Variants in RPH3AL observed in about 807,000 individuals in gnomAD.
The protein encoded by RPH3AL is rabphilin 3A like (without C2 domains).
RPH3AL carries 38 observed loss-of-function variants against 43.1 expected under a neutral mutation model. That is an observed-to-expected ratio of 0.88 (90% CI 0.68 to 1.15). The LOEUF is 1.15. Ranked by LOEUF, RPH3AL falls within the 50% of genes most tolerant of loss-of-function variation. The pLI is 0.00. For missense variants in RPH3AL, 462 were observed against 423.2 expected (o/e 1.09, Z -0.81); for synonymous variants, 189 against 176.3 (o/e 1.07, Z -0.57).
At chr17:348,460 T>C (rs751231994) in intron 1 of RPH3AL, among the ~76,000 whole-genome samples, 1 of 151,774 alleles carries the variant, frequency 6.6e-6, no homozygotes, top group East Asian at 1.9e-4. Flanking sequence ...TCATGGGAAA[T>C]TGAAAGAGGT....
At chr17:318,049 C>T (rs555865690) in intron 5 of RPH3AL, among the ~76,000 whole-genome samples, 1 of 152,112 alleles carries the variant, frequency 6.6e-6, no homozygotes, top group Non-Finnish European at 1.5e-5. Flanking sequence ...CAAGAAAATT[C>T]CTTCTCTGTC....
At chr17:319,337 G>C in intron 5 of RPH3AL, 83 bp downstream of exon 5, 3 of 1,514,480 alleles carry the variant, frequency 2.0e-6, no homozygotes, top group Non-Finnish European at 1.8e-6. Context: ...ACACACTCCT[G>C]GGAGCCAGGA....
chr17:226,280 GC>G (rs1163663048), intron 7 of RPH3AL, among the ~76,000 whole-genome samples: 1 of 152,052 alleles, frequency 6.6e-6, no homozygotes, highest in Non-Finnish European at 1.5e-5. Flanking sequence ...AGGTGACACA[GC>G]AGGCGCCAGG....
intron 5 of RPH3AL, among the ~76,000 whole-genome samples, chr17:297,664 A>C (rs1427199443): frequency 6.6e-6 from 1 of 152,140 alleles, no homozygotes; most frequent in South Asian, 2.1e-4. Flanking sequence ...GTTTTCCTCT[A>C]TTTTCAGAGC....
chr17:269,832 G>C (rs2042420095), intron 6 of RPH3AL, among the ~76,000 whole-genome samples: 1 of 152,232 alleles, frequency 6.6e-6, no homozygotes, highest in African/African-American at 2.4e-5. Flanking sequence ...CAGTGCCTCA[G>C]AGGCAAACTT....
chr17:316,688 G>GA (rs1555521052), intron 5 of RPH3AL, among the ~76,000 whole-genome samples: 6 of 5,842 alleles, frequency 1.0e-3, no homozygotes, highest in South Asian at 6.7e-3. Context: ...CAGTCCCTGT[G>GA]CCCCACCTCC....
rs551143141 is a variant in RPH3AL at position 323,148 on chromosome 17, T to A, written c.78-1733A>T. On this transcript the variant is annotated intron_variant, in intron 3 of 9. Transcript: ENST00000331302. The surrounding 1 kb of genome is among the most constrained non-coding windows in gnomAD (Gnocchi z 4.4). ...TGCAGGATGAACAGGTGCTTCCCCA[T>A]GGAAGGAGGGAGGCGGGTTCAGGCA... Among the ~76,000 whole-genome samples, 2 of 151,726 alleles carry A rather than the reference T, an allele frequency of 1.3e-5. No homozygotes were observed. Among genetic ancestry groups the A allele is most frequent in the African/African-American group, 2.4e-5 (1 of 41,316 alleles).
chr17:302,511 A>T (rs532022638), intron 5 of RPH3AL, among the ~76,000 whole-genome samples: 39 of 152,290 alleles, frequency 2.6e-4, no homozygotes, highest in African/African-American at 8.7e-4. Flanking sequence ...GGAGAGAGGA[A>T]GCCATCGGAG....
At chr17:338,172 G>T (rs566172797) in intron 1 of RPH3AL, among the ~76,000 whole-genome samples, 2 of 152,240 alleles carry the variant, frequency 1.3e-5, no homozygotes, top group African/African-American at 4.8e-5. Flanking sequence ...GTGACAGCAG[G>T]GAAACCAGGC....
rs146153973 is a variant in RPH3AL at position 321,498 on chromosome 17, C to T, written c.78-83G>A. The T allele has an allele frequency of 1.7e-3, 2,409 of 1,415,646 alleles. 13 individuals are homozygous for T. Among genetic ancestry groups the T allele is most frequent in the South Asian group, 6.7e-3 (440 of 65,554 alleles). 87.7% of individuals were successfully genotyped at this position (1,415,646 alleles called of 1,614,324 possible). On this transcript the variant is annotated intron_variant, in intron 3 of 9. Transcript: ENST00000331302. ...CCCTACCACATCCACCAAGCCCCCC[C>T]GAGAACAGTCAGTGGACGGCCCAGG...
rs762940278 is a variant in RPH3AL at position 274,616 on chromosome 17, G to A, written c.438+7152C>T. Among the ~76,000 whole-genome samples the A allele has an allele frequency of 4.3e-4, 66 of 152,230 alleles. No individual in the cohort carries two copies. The highest frequency in any genetic ancestry group is 7.1e-4 in the Non-Finnish European group (48 of 68,020). On this transcript the variant is annotated intron_variant, in intron 6 of 9. Transcript: ENST00000331302. The surrounding 1 kb of genome is among the most constrained non-coding windows in gnomAD (Gnocchi z 4.7). Reference sequence around the variant, plus strand: ...CATAAGCCAGGGGCTGCGGTCCCTCGTCCTCCCTGGTTCCGACGGGCCAGG... The same window carrying A: ...CATAAGCCAGGGGCTGCGGTCCCTCATCCTCCCTGGTTCCGACGGGCCAGG...
intron 5 of RPH3AL, among the ~76,000 whole-genome samples, chr17:316,289 C>T (rs1319969019): frequency 2.1e-5 from 3 of 141,314 alleles, no homozygotes; most frequent in Non-Finnish European, 3.1e-5. Flanking sequence ...GATGCGTAGT[C>T]TCTGTGCTCC....
intron 5 of RPH3AL, among the ~76,000 whole-genome samples, chr17:301,129 G>C (rs2043318441): frequency 1.3e-5 from 2 of 152,386 alleles, no homozygotes; most frequent in South Asian, 4.1e-4. Flanking sequence ...TCTCACTCTG[G>C]ATGCTCCGCC....
chr17:284,165 G>A (rs2042849643), intron 5 of RPH3AL, among the ~76,000 whole-genome samples: 1 of 152,276 alleles, frequency 6.6e-6, no homozygotes, highest in South Asian at 2.1e-4. Context: ...GCGGGAACAG[G>A]AGGGAATCAA....
At chr17:296,951 T>TG (rs1460171704) in intron 5 of RPH3AL, among the ~76,000 whole-genome samples, 2 of 152,074 alleles carry the variant, frequency 1.3e-5, no homozygotes, top group East Asian at 3.9e-4. Flanking sequence ...CTGGGTCTCG[T>TG]GGGGCATTGT....
chr17:321,547 G>T, intron 3 of RPH3AL, 132 bp from the exon 4 acceptor site: 1 of 1,068,822 alleles, frequency 9.4e-7, no homozygotes, highest in Non-Finnish European at 1.3e-6. Flanking sequence ...GACGACGAGC[G>T]CGGGCAGCAG....
At chr17:253,508 A>C (rs28515912) in intron 6 of RPH3AL, among the ~76,000 whole-genome samples, 45,358 of 152,100 alleles carry the variant, frequency 0.3, 6,902 homozygotes, top group African/African-American at 0.3. Context: ...TTTTTTAAAA[A>C]AATTAAAAAT....
chr17:241,623 A>G (rs971024496), intron 7 of RPH3AL, among the ~76,000 whole-genome samples: 1 of 152,150 alleles, frequency 6.6e-6, no homozygotes, highest in Admixed American at 6.5e-5. Context: ...AAAGCCAAAA[A>G]AACCCCACCC....
At chr17:265,323 T>G (rs1319133095) in intron 6 of RPH3AL, among the ~76,000 whole-genome samples, 1 of 152,190 alleles carries the variant, frequency 6.6e-6, no homozygotes, top group African/African-American at 2.4e-5. Flanking sequence ...CTCAGACTCC[T>G]ATACTCAAGC....
Sources: gnomAD v4.1 joint callset for allele counts (sites outside exome capture counted in the v4.1 genomes callset) on GRCh38, gnomAD v4.1.1 for gene constraint, Gnocchi (gnomAD v3.1) non-coding constraint, MANE v1.5 for transcripts, NCBI Gene and HGNC (gene_info 2026-07-23, HGNC 2026-07-21) for gene names.